NAALADL2: variants seen among roughly 807,000 people sequenced by gnomAD.
NAALADL2 encodes inactive N-acetylated-alpha-linked acidic dipeptidase-like protein 2.
A neutral mutation model predicts 87.2 loss-of-function variants in NAALADL2; 76 were observed. The observed-to-expected ratio is 0.87, with a 90% confidence interval of 0.72 to 1.05. NAALADL2 has a LOEUF of 1.05. Among genes scored for constraint, NAALADL2 ranks in the 50% least tolerant of loss-of-function variants. NAALADL2 has a pLI of 0.00. For missense variants in NAALADL2, 1,089 were observed against 945.8 expected, an observed-to-expected ratio of 1.15 and a Z score of -1.99; for synonymous variants, 354 against 331.0, an observed-to-expected ratio of 1.07 and a Z score of -0.75.
At chr3:174,558,823 C>G (rs1029917998) in intron 2 of NAALADL2, among the ~76,000 whole-genome samples, 1 of 152,152 alleles carries the variant, frequency 6.6e-6, no homozygotes, top group Non-Finnish European at 1.5e-5. Flanking sequence ...AAACATTTTG[C>G]CAACATGTAC....
intron 1 of NAALADL2, among the ~76,000 whole-genome samples, chr3:174,512,959 ATT>A (rs775660030): frequency 1.5e-5 from 2 of 137,672 alleles, no homozygotes; most frequent in Non-Finnish European, 1.6e-5. Context: ...AATAAGCTTG[ATT>A]TTTTTTTTTT....
At chr3:175,161,689 C>A (rs1484198547) in intron 2 of NAALADL2, among the ~76,000 whole-genome samples, 1 of 129,874 alleles carries the variant, frequency 7.7e-6, no homozygotes, top group African/African-American at 2.9e-5. Context: ...CATCATATAG[C>A]AATTACTTTT....
Position 175,652,458 on chromosome 3 carries a change from A to G in NAALADL2, c.1896+25072A>G, listed in dbSNP as rs193164834. ...ATAGTAATAATATATCATGCTTAGG[A>G]CTGTTTATTTTCTTTTCTTTCTTTT... On this transcript the variant is annotated intron_variant, in intron 11 of 13. Transcript: ENST00000454872. Among the ~76,000 whole-genome samples the G allele has an allele frequency of 2.4e-3, 362 of 150,488 alleles. 3 individuals are homozygous for G. The highest frequency in any genetic ancestry group is 8.6e-3 in the African/African-American group (354 of 41,008).
At chr3:175,632,005 T>G (rs1285648446) in intron 11 of NAALADL2, among the ~76,000 whole-genome samples, 1 of 152,066 alleles carries the variant, frequency 6.6e-6, no homozygotes, top group Non-Finnish European at 1.5e-5. Flanking sequence ...TAAATCATTT[T>G]AATAAATTAT....
At chr3:175,154,979 G>A (rs1433165558) in intron 2 of NAALADL2, among the ~76,000 whole-genome samples, 1 of 152,174 alleles carries the variant, frequency 6.6e-6, no homozygotes, top group Non-Finnish European at 1.5e-5. Context: ...TCAGAAAGAA[G>A]AGTTGAAGGT....
Position 175,523,635 on chromosome 3 carries a change from G to A in NAALADL2, c.1653+51877G>A, listed in dbSNP as rs995265447. Among the ~76,000 whole-genome samples, 5 of 152,342 alleles carry A rather than the reference G, an allele frequency of 3.3e-5. No homozygotes were observed. In the South Asian group the frequency reaches 1.0e-3, roughly 32 times the overall value. The stretch of plus-strand genomic sequence containing the variant: ...CAATGGTGAGCGTACACTTGGACAA[G>A]GGAGGGAAAGGGGTTCTTACCCTGA... On this transcript the variant is annotated intron_variant, in intron 9 of 13. Coordinates refer to ENST00000454872, the MANE Select transcript of NAALADL2 (RefSeq NM_207015.3).
intron 1 of NAALADL2, among the ~76,000 whole-genome samples, chr3:175,034,744 G>A (rs958206841): frequency 2.0e-5 from 3 of 152,058 alleles, no homozygotes; most frequent in Admixed American, 2.0e-4. Flanking sequence ...AAAACTTTCC[G>A]TGCCTGAGTT....
chr3:175,618,906 C>T (rs1376467903), intron 10 of NAALADL2, among the ~76,000 whole-genome samples: 1 of 152,158 alleles, frequency 6.6e-6, no homozygotes, highest in Non-Finnish European at 1.5e-5. Flanking sequence ...GTTCTCCACC[C>T]ATGAAGTGGG....
chr3:174,674,007 C>T (rs1726810526), intron 2 of NAALADL2, among the ~76,000 whole-genome samples: 1 of 151,838 alleles, frequency 6.6e-6, no homozygotes, highest in Admixed American at 6.6e-5. Flanking sequence ...TTAATTTGGA[C>T]AGTTTAGGAA....
intron 11 of NAALADL2, among the ~76,000 whole-genome samples, chr3:175,687,458 C>T (rs1291919653): frequency 1.3e-5 from 2 of 152,036 alleles, no homozygotes; most frequent in Admixed American, 1.3e-4. Flanking sequence ...GGATGAGTAC[C>T]TCTAGCAGTT....
At chr3:175,661,548 T>C (rs1443769239) in intron 11 of NAALADL2, among the ~76,000 whole-genome samples, 1 of 145,186 alleles carries the variant, frequency 6.9e-6, no homozygotes, top group East Asian at 2.0e-4. Flanking sequence ...TTGTTGCCTG[T>C]GCTTTTGAGT....
intron 2 of NAALADL2, among the ~76,000 whole-genome samples, chr3:174,565,421 C>T (rs948643052): frequency 5.3e-5 from 8 of 151,950 alleles, no homozygotes; most frequent in Admixed American, 3.9e-4. Flanking sequence ...TTGAAATCAT[C>T]GGAATGTAGC....
At chr3:174,883,890 C>A (rs1210288808) in intron 1 of NAALADL2, among the ~76,000 whole-genome samples, 6 of 152,138 alleles carry the variant, frequency 3.9e-5, no homozygotes, top group Admixed American at 6.5e-5. Context: ...TACTAAGAGA[C>A]CCCCTAATGG....
At chr3:175,007,971 G>A (rs1749263675) in intron 1 of NAALADL2, among the ~76,000 whole-genome samples, 1 of 152,236 alleles carries the variant, frequency 6.6e-6, no homozygotes, top group Admixed American at 6.5e-5. Flanking sequence ...CGACGGGGTA[G>A]CATATACAAT....
chr3:174,605,792 G>A (rs1392150937), intron 2 of NAALADL2, among the ~76,000 whole-genome samples: 1 of 152,160 alleles, frequency 6.6e-6, no homozygotes, highest in Non-Finnish European at 1.5e-5. Context: ...AAATGTCCCT[G>A]TTTGACAGCT....
chr3:174,931,493 C>T (rs1356801487), intron 1 of NAALADL2, among the ~76,000 whole-genome samples: 2 of 152,094 alleles, frequency 1.3e-5, no homozygotes, highest in Non-Finnish European at 2.9e-5. Flanking sequence ...GTTATTAGTA[C>T]TATGGTGATG....
At chr3:175,363,999 A>G (rs1765299202) in intron 5 of NAALADL2, among the ~76,000 whole-genome samples, 2 of 148,284 alleles carry the variant, frequency 1.3e-5, no homozygotes, top group African/African-American at 4.9e-5. Context: ...TTTCATCATC[A>G]TTTCATTAGG....
intron 1 of NAALADL2, among the ~76,000 whole-genome samples, chr3:175,006,000 C>A (rs922796438): frequency 6.6e-6 from 1 of 152,158 alleles, no homozygotes; most frequent in Non-Finnish European, 1.5e-5. Flanking sequence ...ACTGTGGTTA[C>A]GATGTGCGCG....
At chr3:175,120,504 G>T (rs1725993130) in intron 2 of NAALADL2, among the ~76,000 whole-genome samples, 1 of 151,764 alleles carries the variant, frequency 6.6e-6, no homozygotes, top group Non-Finnish European at 1.5e-5. Context: ...TGTTCATGCA[G>T]TTCTAACTGA....
Sources: allele counts gnomAD v4.1 joint callset (sites outside exome capture counted in the v4.1 genomes callset), GRCh38; gene constraint gnomAD v4.1.1; transcripts MANE v1.5; gene names NCBI Gene and HGNC (gene_info 2026-07-23, HGNC 2026-07-21).